Variants in COG7 observed in about 807,000 individuals in gnomAD.
COG7 encodes the protein conserved oligomeric Golgi complex subunit 7.
COG7 carries 49 observed loss-of-function variants against 91.5 expected under a neutral mutation model. The ratio of observed to expected loss-of-function variants is 0.54; its 90% CI spans 0.43 to 0.68. The LOEUF (loss-of-function observed/expected upper bound fraction) is 0.68, where lower values mean the gene tolerates loss of function less well. Ranked by LOEUF, COG7 falls within the 30% of genes least tolerant of loss-of-function variation. The pLI is 0.00. For synonymous variants in COG7, 365 were observed against 388.7 expected, an observed-to-expected ratio of 0.94 and a Z score of 0.72; for missense variants, 895 against 961.3, an observed-to-expected ratio of 0.93 and a Z score of 0.91.
At chr16:23,404,573 A>G (rs1963429117) in intron 12 of COG7, among the ~76,000 whole-genome samples, 2 of 152,216 alleles carry the variant, frequency 1.3e-5, no homozygotes, top group Non-Finnish European at 2.9e-5. Context: ...AGCCTCAGAC[A>G]TGTCCAGGCC....
intron 11 of COG7, among the ~76,000 whole-genome samples, chr16:23,409,738 C>A (rs941656965): frequency 1.4e-4 from 21 of 152,242 alleles, no homozygotes; most frequent in South Asian, 4.2e-4. Flanking sequence ...CACCTCAGGG[C>A]AACATAAAAG....
chr16:23,413,214 A>G (rs934791432), intron 10 of COG7: 3 of 469,834 alleles, frequency 6.4e-6, no homozygotes, highest in Non-Finnish European at 1.2e-5. Flanking sequence ...GAGATGAGGC[A>G]TTTGTAAAGA....
intron 9 of COG7, chr16:23,414,566 C>A (rs1158599474): frequency 6.6e-6 from 1 of 152,442 alleles, no homozygotes; most frequent in Non-Finnish European, 1.5e-5. Context: ...GAGGTCAAGG[C>A]TGCAGTGGGC....
chr16:23,400,001 T>C (rs775750291), intron 13 of COG7, among the ~76,000 whole-genome samples: 3 of 152,212 alleles, frequency 2.0e-5, no homozygotes, highest in Non-Finnish European at 2.9e-5. Flanking sequence ...GGTACTGTGA[T>C]TATTTTTAGA....
At chr16:23,449,199 T>C (rs1460341267) in intron 1 of COG7, among the ~76,000 whole-genome samples, 1 of 151,478 alleles carries the variant, frequency 6.6e-6, no homozygotes, top group African/African-American at 2.4e-5. Context: ...CCGTCTCTAC[T>C]AAAAATACAA....
chr16:23,397,295 G>A (rs1316716179), intron 14 of COG7, among the ~76,000 whole-genome samples: 1 of 152,234 alleles, frequency 6.6e-6, no homozygotes, highest in Non-Finnish European at 1.5e-5. Context: ...TAAGGCAAGA[G>A]CGTAAGGCAG....
rs1204231695 is a variant in COG7, at chr16:23,417,112, C to A, written c.1147G>T (p.Glu383Ter). The change falls in exon 9 of 17, where the codon GAA becomes TAA. Residue 383 changes from glutamate to a stop codon, truncating the protein, a stop_gained. Transcript: ENST00000307149. LOFTEE classifies it high-confidence loss of function. ...AGCTCCTGCACACAGTCAATCACTT[C>A]CCCATGCTCCTGGTCAGCAAATACA... ...QMSAVPLEHG[E>*]VIDCVQELSH... 1 of 1,614,228 alleles carries A rather than the reference C, an allele frequency of 6.2e-7. No individual in the cohort carries two copies. Among genetic ancestry groups the A allele is most frequent in the Non-Finnish European group, 8.5e-7 (1 of 1,180,030 alleles).
Position 23,392,403 on chromosome 16 carries a change from G to A in COG7, c.2123C>T (p.Ala708Val). 6.2e-7 allele frequency: 1 copy of A among 1,614,182 alleles called. No individual in the cohort carries two copies. The highest frequency in any genetic ancestry group is 8.5e-7 in the Non-Finnish European group (1 of 1,180,032). The change falls in exon 16 of 17, where the codon GCC becomes GTC. Residue 708 changes from alanine to valine, a missense_variant. Physicochemically the swap from Ala to Val is moderately conservative, Grantham distance 64. Coordinates refer to ENST00000307149, the MANE Select transcript of COG7 (RefSeq NM_153603.4). ...ACCGATGTCAGTGGCCAGCTGCTTG[G>A]CAGAGTGTGGGCTCAGCTCAGGGAT... ...LQIPELSPHS[A>V]KQLATDIDYL...
At position 23,410,337 on chromosome 16, in the gene COG7, AG is replaced by A. The variant is rs1213241895; in HGVS notation, c.1432del (p.Leu478PhefsTer12). On this transcript the variant is annotated frameshift_variant, in exon 11 of 17. Transcript: ENST00000307149. LOFTEE classifies it high-confidence loss of function. ...SIRIIATCGE[L>X]LRHCGDFEQQ... ...CTCGAAGTCCCCACAATGCCGCAAA[AG>A]CTCTCCACAGGTGGCTATTATCCTA... 9 of 1,613,968 alleles carry A rather than the reference AG, an allele frequency of 5.6e-6. No homozygotes were observed. The highest frequency in any genetic ancestry group is 7.6e-6 in the Non-Finnish European group (9 of 1,180,004).
intron 11 of COG7, among the ~76,000 whole-genome samples, chr16:23,409,088 T>TGTGCGC (rs567307217): frequency 0.02 from 2,884 of 147,870 alleles, 47 homozygotes; most frequent in African/African-American, 0.048. Context: ...TGTGTGTGTG[T>TGTGCGC]GCGTGCATGT....
chr16:23,447,569 G>T (rs1163501678), intron 1 of COG7, among the ~76,000 whole-genome samples: 1 of 151,692 alleles, frequency 6.6e-6, no homozygotes, highest in African/African-American at 2.4e-5. Context: ...TAACCTGGGT[G>T]ACAGAGCAAG....
chr16:23,394,014 G>C (rs1398103969), intron 14 of COG7, among the ~76,000 whole-genome samples: 1 of 149,136 alleles, frequency 6.7e-6, no homozygotes, highest in Non-Finnish European at 1.5e-5. Flanking sequence ...TTGCACTGCA[G>C]CCTGGGCAGA....
chr16:23,444,025 G>A lies in COG7; in HGVS notation c.435+1023C>T, dbSNP rs60955224. ...AAATTAGCCGGGTATGGTAGTGCGC[G>A]CCTATAATCCCAGGTACTCGGGAGG... On this transcript the variant is annotated intron_variant, in intron 3 of 16. Transcript: ENST00000307149. 1.4e-3 allele frequency among the ~76,000 whole-genome samples: 211 copies of A among 150,562 alleles called. 1 individual carries two copies. Among genetic ancestry groups the A allele is most frequent in the African/African-American group, 5.0e-3 (206 of 40,990 alleles).
chr16:23,399,375 C>T (rs916437082), intron 13 of COG7, among the ~76,000 whole-genome samples: 2 of 152,302 alleles, frequency 1.3e-5, no homozygotes, highest in Admixed American at 6.5e-5. Flanking sequence ...AACTCCCAAT[C>T]CAGCGAGAAG....
rs539386799 is a variant in COG7, at chr16:23,453,118, G to A, written c.-124C>T. Reference sequence around the variant, plus strand: ...AGCCTCCGAGGCGAACCCCAGAAACGCCAGGACGGGTAACTTGCCCCTTTG... The same window carrying A: ...AGCCTCCGAGGCGAACCCCAGAAACACCAGGACGGGTAACTTGCCCCTTTG... On this transcript the variant is annotated 5_prime_UTR_variant, in exon 1 of 17. Coordinates refer to ENST00000307149, the MANE Select transcript of COG7 (RefSeq NM_153603.4). 3.4e-5 allele frequency: 51 copies of A among 1,508,884 alleles called. No homozygotes were observed. Among genetic ancestry groups the A allele is most frequent in the Admixed American group, 6.5e-5 (3 of 46,374 alleles). The allele number at this position is 1,508,884 out of a possible 1,614,324, so 93.5% of individuals were successfully genotyped here.
At position 23,445,981 on chromosome 16, in the gene COG7, A is replaced by C; in HGVS notation, c.170-20T>G. ...TTGTTTCTGTAGTTAAAAAAAAAAA[A>C]AAAAACAACAACAACAGCGATAGCC... On this transcript the variant is annotated intron_variant, in intron 1 of 16. Transcript: ENST00000307149. 1.9e-6 allele frequency: 3 copies of C among 1,607,908 alleles called. No individual in the cohort carries two copies. Among genetic ancestry groups the C allele is most frequent in the Non-Finnish European group, 2.5e-6 (3 of 1,179,086 alleles).
chr16:23,420,800 G>T (rs570252168), intron 7 of COG7, among the ~76,000 whole-genome samples: 13 of 152,078 alleles, frequency 8.5e-5, no homozygotes, highest in Admixed American at 3.3e-4. Flanking sequence ...CTAAGGTGCA[G>T]TGGTCCAACC....
chr16:23,451,557 A>AT (rs1035573293), intron 1 of COG7, among the ~76,000 whole-genome samples: 23 of 148,298 alleles, frequency 1.6e-4, no homozygotes, highest in African/African-American at 2.2e-4. Flanking sequence ...CTAAAAAAAA[A>AT]TTTTTTTTTT....
intron 13 of COG7, among the ~76,000 whole-genome samples, chr16:23,400,772 C>T (rs1963361596): frequency 6.6e-6 from 1 of 152,058 alleles, no homozygotes. Context: ...GAGTTTGAGA[C>T]CAGCCTGGCC....
Sources: gnomAD v4.1 joint callset for allele counts (sites outside exome capture counted in the v4.1 genomes callset) on GRCh38, gnomAD v4.1.1 for gene constraint, MANE v1.5 for transcripts, NCBI Gene and HGNC (gene_info 2026-07-23, HGNC 2026-07-21) for gene names.